Variants in SMAD4 observed in about 807,000 individuals in gnomAD.
SMAD4 encodes MAD homolog 4.
A neutral mutation model predicts 63.2 loss-of-function variants in SMAD4; 7 were observed. That is an observed-to-expected ratio of 0.11 (90% confidence interval 0.06 to 0.21). SMAD4 has a LOEUF of 0.21. Ranked by LOEUF, SMAD4 falls within the 10% of genes least tolerant of loss-of-function variation. The pLI, the probability that SMAD4 is intolerant of heterozygous loss-of-function variation, is 1.00. For missense variants in SMAD4, 312 were observed against 693.8 expected (o/e 0.45, Z 6.18); for synonymous variants, 215 against 235.4 (o/e 0.91, Z 0.79).
Position 51,067,188 on chromosome 18 carries a change from GT to G in SMAD4, c.1308+3del. 6.5e-7 allele frequency: 1 copy of G among 1,533,874 alleles called. No homozygotes were observed. Among genetic ancestry groups the G allele is most frequent in the Non-Finnish European group, 9.0e-7 (1 of 1,107,252 alleles). On this transcript the variant is annotated splice_donor_variant, in intron 10 of 11. Transcript: ENST00000342988. LOFTEE classifies it high-confidence loss of function. ...GATCTACCCAAGTGCATATATAAAG[GT>G]TAGTTACAATTTTATTTGAATATTT...
intron 1 of SMAD4, among the ~76,000 whole-genome samples, chr18:51,039,450 C>G (rs1380314909): frequency 6.6e-6 from 1 of 152,050 alleles, no homozygotes; most frequent in Non-Finnish European, 1.5e-5. Flanking sequence ...CTAACTATCC[C>G]CAGCTTCAAG....
At chr18:51,070,336 AG>A (rs1222581455) in intron 10 of SMAD4, among the ~76,000 whole-genome samples, 2 of 152,248 alleles carry the variant, frequency 1.3e-5, no homozygotes, top group Non-Finnish European at 2.9e-5. Flanking sequence ...CCAAGGTGTG[AG>A]ACAAGTCATC....
intron 10 of SMAD4, among the ~76,000 whole-genome samples, chr18:51,070,301 G>A (rs947533252): frequency 1.3e-5 from 2 of 152,070 alleles, no homozygotes; most frequent in Non-Finnish European, 2.9e-5. Flanking sequence ...TTTATATTTT[G>A]GTACAGATGG....
Position 51,083,686 on chromosome 18 carries a change from A to G in SMAD4, c.*5219A>G. ...CAAATTTGATGTGTGACCTTTGGGC[A>G]AGTCATTTATCTTCTCTGGGCCTTA... is the stretch of plus-strand genomic sequence containing the variant. On this transcript the variant is annotated 3_prime_UTR_variant, in exon 12 of 12. Coordinates refer to ENST00000342988, the MANE Select transcript of SMAD4 (RefSeq NM_005359.6). The G allele has an allele frequency of 8.8e-6, 2 of 228,064 alleles. No individual in the cohort carries two copies. The highest frequency in any genetic ancestry group is 1.3e-4 in the East Asian group (2 of 15,958). 14.1% of individuals were successfully genotyped at this position (228,064 alleles called of 1,614,324 possible).
In SMAD4 at chr18:51,059,760, C is replaced by A. The variant is rs553115578; in HGVS notation, c.905-106C>A. On this transcript the variant is annotated intron_variant, in intron 7 of 11. Coordinates refer to ENST00000342988, the MANE Select transcript of SMAD4 (RefSeq NM_005359.6). ...AGACATTGCATAAGCTTGTTTTAAA[C>A]AATTCCTAACCTATAATAGTTATAT... 1.2e-5 allele frequency: 10 copies of A among 849,668 alleles called. No individual in the cohort carries two copies. The South Asian group carries it at 1.4e-4, about 12-fold the overall frequency. The allele number at this position is 849,668 out of a possible 1,614,324, so 52.6% of individuals were successfully genotyped here.
At chr18:51,073,389 A>ATATAT (rs1568210358) in intron 10 of SMAD4, among the ~76,000 whole-genome samples, 1 of 40,630 alleles carries the variant, frequency 2.5e-5, no homozygotes. Context: ...ATATATATAT[A>ATATAT]CACACACACA....
chr18:51,044,200 AGT>A (rs1364288802), intron 1 of SMAD4, among the ~76,000 whole-genome samples: 1 of 152,034 alleles, frequency 6.6e-6, no homozygotes, highest in Non-Finnish European at 1.5e-5. Context: ...GCTGGGGTGC[AGT>A]GGCACAATCA....
At chr18:51,067,531 G>C (rs187863115) in intron 10 of SMAD4, among the ~76,000 whole-genome samples, 7 of 152,186 alleles carry the variant, frequency 4.6e-5, no homozygotes, top group Non-Finnish European at 1.0e-4. Flanking sequence ...TCGTGCCTCA[G>C]CATCCCAAGT....
intron 1 of SMAD4, among the ~76,000 whole-genome samples, chr18:51,042,761 G>A (rs959679393): frequency 4.6e-5 from 7 of 152,174 alleles, no homozygotes; most frequent in Admixed American, 1.3e-4. Context: ...GAGTGCAGTG[G>A]CTCAGTCATA....
chr18:51,076,475 G>GT (rs1910473332), intron 10 of SMAD4, among the ~76,000 whole-genome samples, 163 bp from the exon 11 acceptor site: 2 of 152,164 alleles, frequency 1.3e-5, no homozygotes, highest in South Asian at 4.1e-4. Flanking sequence ...TTCCTAACTA[G>GT]TTTTAGACCA....
At chr18:51,032,269 A>G (rs561257920) in intron 1 of SMAD4, among the ~76,000 whole-genome samples, 33 of 152,268 alleles carry the variant, frequency 2.2e-4, no homozygotes, top group African/African-American at 7.7e-4. Flanking sequence ...GAAGTATTGC[A>G]TCTTCGTTTT....
intron 2 of SMAD4, 76 bp from the exon 3 acceptor site, chr18:51,048,610 G>A (rs913861520): frequency 1.0e-5 from 13 of 1,295,614 alleles, no homozygotes; most frequent in African/African-American, 8.8e-5. Context: ...TGGTAGGATT[G>A]TGAGGATTAA....
Position 51,056,469 on chromosome 18 carries a change from T to C in SMAD4, c.667+1476T>C, listed in dbSNP as rs1380768645. Among the ~76,000 whole-genome samples, 4 of 152,042 alleles carry C rather than the reference T, an allele frequency of 2.6e-5. No homozygotes were observed. The East Asian group carries it at 7.7e-4, about 29-fold the overall frequency. ...GTAAGTTTTAGAACTTGTGTCAAAA[T>C]GTTCCCTTATGTGGTGGCATGCGCC... is the stretch of plus-strand genomic sequence containing the variant. On this transcript the variant is annotated intron_variant, in intron 5 of 11. Coordinates refer to ENST00000342988, the MANE Select transcript of SMAD4 (RefSeq NM_005359.6).
At chr18:51,052,253 G>A (rs1909731926) in intron 4 of SMAD4, 9 of 152,550 alleles carry the variant, frequency 5.9e-5, no homozygotes, top group Admixed American at 5.9e-4. Context: ...TCATTCTCAT[G>A]ATACTTCTAC....
intron 9 of SMAD4, among the ~76,000 whole-genome samples, chr18:51,066,344 A>C (rs980358559): frequency 7.7e-6 from 1 of 129,324 alleles, no homozygotes; most frequent in Non-Finnish European, 1.7e-5. Flanking sequence ...ACTCCATTTC[A>C]AAAAAAAAAA....
intron 5 of SMAD4, among the ~76,000 whole-genome samples, 186 bp downstream of exon 5, chr18:51,055,179 A>G (rs1327273547): frequency 1.3e-5 from 2 of 152,240 alleles, no homozygotes; most frequent in Non-Finnish European, 2.9e-5. Flanking sequence ...GGCTTTGATT[A>G]TAATATTGAT....
intron 7 of SMAD4, 24 bp downstream of exon 7, chr18:51,058,480 G>T: frequency 6.7e-7 from 1 of 1,496,598 alleles, no homozygotes; most frequent in South Asian, 1.2e-5. Context: ...TTTGTTGTAA[G>T]GGCTATTTTT....
chr18:51,034,255 T>C (rs893584448), intron 1 of SMAD4, among the ~76,000 whole-genome samples: 15 of 151,656 alleles, frequency 9.9e-5, no homozygotes, highest in South Asian at 2.1e-4. Flanking sequence ...TTTTTCTTTT[T>C]TTTTTTCTGA....
chr18:51,060,760 A>G (rs968844159), intron 8 of SMAD4, among the ~76,000 whole-genome samples: 4 of 152,146 alleles, frequency 2.6e-5, no homozygotes, highest in Non-Finnish European at 5.9e-5. Flanking sequence ...CAGCTTCTAG[A>G]GTAGCTGGGA....
Sources: allele counts gnomAD v4.1 joint callset (sites outside exome capture counted in the v4.1 genomes callset), GRCh38; gene constraint gnomAD v4.1.1; transcripts MANE v1.5; gene names NCBI Gene and HGNC (gene_info 2026-07-23, HGNC 2026-07-21).